PCSK6: variants seen among roughly 807,000 people sequenced by gnomAD.
PCSK6 encodes the protein proprotein convertase subtilisin/kexin type 6.
In PCSK6, 85 loss-of-function variants were observed where a neutral mutation model predicts 123.3. The observed-to-expected ratio is 0.69, with a 90% CI of 0.58 to 0.83. The LOEUF (loss-of-function observed/expected upper bound fraction) is 0.83, where lower values mean the gene tolerates loss of function less well. Among genes scored for constraint, PCSK6 ranks in the 40% least tolerant of loss-of-function variants. The pLI, the probability that PCSK6 is intolerant of heterozygous loss-of-function variation, is 0.00. For missense variants in PCSK6, 1,191 were observed against 1,282.3 expected (o/e 0.93, Z 1.09); for synonymous variants, 508 against 516.0 (o/e 0.98, Z 0.21).
intron 1 of PCSK6, among the ~76,000 whole-genome samples, chr15:101,477,290 T>C (rs1021805422): frequency 6.6e-6 from 1 of 152,162 alleles, no homozygotes; most frequent in African/African-American, 2.4e-5. Flanking sequence ...CATGCATACC[T>C]ACACAGGTTG....
In PCSK6 at chr15:101,354,035, G is replaced by A. The variant is rs182454855; in HGVS notation, c.1858+12161C>T. ...GCAGAGGACAGGTTGGAGGCTCGGA[G>A]CATGGAAATGGCCTGCCGAGGTCCG... On this transcript the variant is annotated intron_variant, in intron 13 of 21. Coordinates refer to ENST00000611716, the MANE Select transcript of PCSK6 (RefSeq NM_002570.5). 3.3e-5 allele frequency among the ~76,000 whole-genome samples: 5 copies of A among 152,372 alleles called. No individual in the cohort carries two copies. The East Asian group carries it at 7.7e-4, about 23-fold the overall frequency.
Position 101,306,829 on chromosome 15 carries a change from AGACCCTCCAGGCTTCCTGGCTTT to A in PCSK6, c.2812+361_2812+383del, listed in dbSNP as rs1264626198. ...GCTCTGTCCCCCTCGTCCTGAGCAGAGACCCTCCAGGCTTCCTGGCTTTGACCCCCCAGGTCAGGCTTCTTTTA... is the reference window on the plus strand; with the variant it reads ...GCTCTGTCCCCCTCGTCCTGAGCAGAGACCCCCCAGGTCAGGCTTCTTTTA... On this transcript the variant is annotated intron_variant, in intron 21 of 21. Coordinates refer to ENST00000611716, the MANE Select transcript of PCSK6 (RefSeq NM_002570.5). Among the ~76,000 whole-genome samples the A allele has an allele frequency of 3.4e-4, 51 of 152,170 alleles. 2 individuals carry two copies. Among genetic ancestry groups the A allele is most frequent in the Non-Finnish European group, 1.5e-5 (1 of 68,034 alleles).
intron 1 of PCSK6, among the ~76,000 whole-genome samples, chr15:101,478,652 G>C (rs2057793287): frequency 6.6e-6 from 1 of 152,142 alleles, no homozygotes; most frequent in Non-Finnish European, 1.5e-5. Flanking sequence ...GTCCAGACTT[G>C]CCGGTTCTGC....
intron 19 of PCSK6, chr15:101,316,246 G>T (rs950619422): frequency 6.6e-6 from 1 of 152,244 alleles, no homozygotes; most frequent in Non-Finnish European, 1.5e-5. Context: ...ACGTTCCCAG[G>T]AGCTTAGAAA....
At chr15:101,338,654 G>A (rs2040536076) in intron 13 of PCSK6, among the ~76,000 whole-genome samples, 1 of 152,250 alleles carries the variant, frequency 6.6e-6, no homozygotes, top group Non-Finnish European at 1.5e-5. Context: ...CTACAAGCCT[G>A]TTCAAGTTTA....
intron 11 of PCSK6, among the ~76,000 whole-genome samples, chr15:101,374,346 G>A (rs1389150999): frequency 6.6e-6 from 1 of 151,914 alleles, no homozygotes; most frequent in African/African-American, 2.4e-5. Context: ...TCAAGTAACC[G>A]AGTGCCAGGG....
chr15:101,484,692 G>A (rs1389800564), intron 1 of PCSK6, among the ~76,000 whole-genome samples: 2 of 152,176 alleles, frequency 1.3e-5, no homozygotes, highest in African/African-American at 4.8e-5. Flanking sequence ...CGCCCGGCCT[G>A]CTTTGTGTGT....
In PCSK6 at chr15:101,447,820, G is replaced by A. The variant is rs57577556; in HGVS notation, c.298-4160C>T. 7.0e-3 allele frequency among the ~76,000 whole-genome samples: 1,060 copies of A among 152,302 alleles called. 15 individuals carry two copies. Among genetic ancestry groups the A allele is most frequent in the African/African-American group, 0.024 (987 of 41,574 alleles). On this transcript the variant is annotated intron_variant, in intron 1 of 21. Transcript: ENST00000611716. ...CCCGTGCTCACAGCTCATCGACTACGCACCGCTTCTCCAGCCGGTGCCTGA... is the reference window on the plus strand; with the variant it reads ...CCCGTGCTCACAGCTCATCGACTACACACCGCTTCTCCAGCCGGTGCCTGA...
rs142625368 is a variant in PCSK6 at position 101,315,901 on chromosome 15, T to A, written c.2570-2396A>T. On this transcript the variant is annotated intron_variant, in intron 19 of 21. Coordinates refer to ENST00000611716, the MANE Select transcript of PCSK6 (RefSeq NM_002570.5). ...TGGACTCAGGAGGATGAGAGGCTCA[T>A]CTCGATCGAGTTGCCTGCCAAGTGC... Among the ~76,000 whole-genome samples, 569 of 152,342 alleles carry A rather than the reference T, an allele frequency of 3.7e-3. 4 individuals are homozygous for A. Among genetic ancestry groups the A allele is most frequent in the African/African-American group, 0.013 (523 of 41,582 alleles).
rs991410698 is a variant in PCSK6, at chr15:101,398,625, C to T, written c.824-49G>A. 8.2e-6 allele frequency: 13 copies of T among 1,575,850 alleles called. No homozygotes were observed. Among genetic ancestry groups the T allele is most frequent in the Non-Finnish European group, 1.1e-5 (13 of 1,160,054 alleles). ...TGTCGGCGCCCAGGCTCCGGGCACA[C>T]AGCGACGGGAACCCGGGCCCAGGAG... On this transcript the variant is annotated intron_variant, in intron 6 of 21. Transcript: ENST00000611716. This position sits in a 1 kb window ranked among gnomAD's most constrained non-coding sequence, Gnocchi z 4.6.
intron 1 of PCSK6, among the ~76,000 whole-genome samples, chr15:101,469,934 C>T (rs548299577): frequency 6.6e-6 from 1 of 152,216 alleles, no homozygotes; most frequent in Non-Finnish European, 1.5e-5. Context: ...CTGTTTCTCT[C>T]TCATCCAGTG....
intron 9 of PCSK6, among the ~76,000 whole-genome samples, chr15:101,385,504 A>G (rs895173132): frequency 1.3e-5 from 2 of 152,218 alleles, no homozygotes; most frequent in Non-Finnish European, 2.9e-5. Context: ...GAACTCTTCA[A>G]TAGTTACAAA....
chr15:101,424,749 G>A (rs553067755), intron 6 of PCSK6, among the ~76,000 whole-genome samples: 69 of 152,264 alleles, frequency 4.5e-4, no homozygotes, highest in Non-Finnish European at 7.3e-4. Context: ...AACAATGACA[G>A]TGATGGTGAA....
chr15:101,431,887 T>C (rs1396247837), intron 3 of PCSK6, 103 bp downstream of exon 3: 3 of 820,158 alleles, frequency 3.7e-6, no homozygotes, highest in Non-Finnish European at 6.2e-6. Flanking sequence ...TGTGTCTGTC[T>C]GGAGATGTTG....
At position 101,461,354 on chromosome 15, in the gene PCSK6, C is replaced by T. The variant is rs1386857706; in HGVS notation, c.298-17694G>A. Among the ~76,000 whole-genome samples the T allele has an allele frequency of 3.3e-5, 5 of 152,286 alleles. No individual in the cohort carries two copies. The Middle Eastern group carries it at 0.01, about 311-fold the overall frequency. ...CTTGTCAAACTTTCCACTAAAGAAA[C>T]TGAAACAGTGCTTAAACACCCATCT... On this transcript the variant is annotated intron_variant, in intron 1 of 21. Coordinates refer to ENST00000611716, the MANE Select transcript of PCSK6 (RefSeq NM_002570.5).
At chr15:101,387,838 A>C (rs2042112344) in intron 9 of PCSK6, among the ~76,000 whole-genome samples, 3 of 152,372 alleles carry the variant, frequency 2.0e-5, no homozygotes, top group Non-Finnish European at 4.4e-5. Flanking sequence ...ATCCCAGGCT[A>C]CAGGTCTGCT....
At chr15:101,360,374 G>C (rs1213028335) in intron 13 of PCSK6, among the ~76,000 whole-genome samples, 1 of 152,178 alleles carries the variant, frequency 6.6e-6, no homozygotes, top group East Asian at 1.9e-4. Flanking sequence ...AGCCCAGTGC[G>C]ATCTGGTCCC....
At chr15:101,483,727 G>C (rs1370333514) in intron 1 of PCSK6, among the ~76,000 whole-genome samples, 1 of 152,256 alleles carries the variant, frequency 6.6e-6, no homozygotes, top group Admixed American at 6.5e-5. Context: ...TGACTGGAAG[G>C]AGAAAGAAGC....
Position 101,489,354 on chromosome 15 carries a change from G to A in PCSK6, c.297+20C>T. ...AGGCCGCCGGGAAAGTTTTGGGCGC[G>A]CGGGGCCGGCCGCACTCACCTGGCC... On this transcript the variant is annotated intron_variant, in intron 1 of 21. Coordinates refer to ENST00000611716, the MANE Select transcript of PCSK6 (RefSeq NM_002570.5). 1 of 1,140,806 alleles carries A rather than the reference G, an allele frequency of 8.8e-7. No individual in the cohort carries two copies. Among genetic ancestry groups the A allele is most frequent in the South Asian group, 2.6e-5 (1 of 38,302 alleles). The allele number at this position is 1,140,806 out of a possible 1,614,324, so 70.7% of individuals were successfully genotyped here.
Sources: gnomAD v4.1 joint callset for allele counts (sites outside exome capture counted in the v4.1 genomes callset) on GRCh38, gnomAD v4.1.1 for gene constraint, Gnocchi (gnomAD v3.1) non-coding constraint, MANE v1.5 for transcripts, NCBI Gene and HGNC (gene_info 2026-07-23, HGNC 2026-07-21) for gene names.